Variants in BAHD1 observed in about 807,000 individuals in gnomAD.
The protein encoded by BAHD1 is bromo adjacent homology domain containing 1.
Under a neutral mutation model 63.1 loss-of-function variants are expected in BAHD1, and 20 were observed. The ratio of observed to expected loss-of-function variants is 0.32; its 90% CI spans 0.22 to 0.46. The LOEUF (loss-of-function observed/expected upper bound fraction) is 0.46, where lower values mean the gene tolerates loss of function less well. BAHD1 is among the 20% of genes least tolerant of loss of function. The probability of loss-of-function intolerance (pLI) is 1.00; values close to 1 mark genes in which losing one functional copy is unlikely to be tolerated. For synonymous variants in BAHD1, 408 were observed against 426.8 expected (o/e 0.96, Z 0.54); for missense variants, 939 against 1,071.8 (o/e 0.88, Z 1.73).
At position 40,458,282 on chromosome 15, in the gene BAHD1, C is replaced by T. The variant is rs560768375; in HGVS notation, c.-14-169C>T. On this transcript the variant is annotated intron_variant, in intron 1 of 6. Transcript: ENST00000416165. The surrounding 1 kb of genome is among the most constrained non-coding windows in gnomAD (Gnocchi z 4.7). ...CACAGCTGCTGGTAGCTTGATTCCA[C>T]TGCCCCTTCACACTCTGGAAAGGGA... Among the ~76,000 whole-genome samples the T allele has an allele frequency of 2.7e-4, 41 of 152,306 alleles. No individual in the cohort carries two copies. Among genetic ancestry groups the T allele is most frequent in the Middle Eastern group, 6.8e-3 (2 of 294 alleles).
chr15:40,458,425 C>G lies in BAHD1; in HGVS notation c.-14-26C>G. The G allele has an allele frequency of 7.8e-6, 12 of 1,529,528 alleles. No individual in the cohort carries two copies. The highest frequency in any genetic ancestry group is 1.1e-5 in the Non-Finnish European group (12 of 1,136,876). 94.7% of individuals were successfully genotyped at this position (1,529,528 alleles called of 1,614,324 possible). ...CAGGAGCAGGCCAGAGAGGGCTTCT[C>G]TCATTGCCCACCTTCTGTCCTGCAG... On this transcript the variant is annotated intron_variant, in intron 1 of 6. Coordinates refer to ENST00000416165, the MANE Select transcript of BAHD1 (RefSeq NM_014952.5). This position sits in a 1 kb window ranked among gnomAD's most constrained non-coding sequence, Gnocchi z 4.7.
rs1162827509 is a variant in BAHD1 at position 40,459,741 on chromosome 15, C to T, written c.1277C>T (p.Thr426Ile). Residue 426 changes from threonine (T) to isoleucine (I), a missense_variant, in exon 2 of 7, where the codon ACC (threonine) becomes ATC (isoleucine). Thr to Ile is a moderately conservative substitution (Grantham distance 89). Around this residue, in one of 5 missense-constraint regions of BAHD1, gnomAD observed 797 missense variants for 813.3 expected, o/e 0.98. Coordinates refer to ENST00000416165, the MANE Select transcript of BAHD1 (RefSeq NM_014952.5). ...LLAPSSVPSG[T>I]PFQHPPWGSS... Reference sequence around the variant, plus strand: ...GCTCCGAGCTCAGTGCCCTCAGGCACCCCTTTCCAGCACCCTCCCTGGGGC... The same window carrying T: ...GCTCCGAGCTCAGTGCCCTCAGGCATCCCTTTCCAGCACCCTCCCTGGGGC... 6.2e-7 allele frequency: 1 copy of T among 1,613,994 alleles called. No homozygotes were observed. The highest frequency in any genetic ancestry group is 1.7e-5 in the Admixed American group (1 of 60,020).
Position 40,466,159 on chromosome 15 carries a change from A to G in BAHD1, c.*29A>G, listed in dbSNP as rs769014844. ...CCTCATGCCCATGCTGGGGCTACCC[A>G]TGGGCAAGTGGGGCTCGGGGTAGGG... On this transcript the variant is annotated 3_prime_UTR_variant, in exon 7 of 7. Coordinates refer to ENST00000416165, the MANE Select transcript of BAHD1 (RefSeq NM_014952.5). 4.4e-6 allele frequency: 7 copies of G among 1,595,680 alleles called. No individual in the cohort carries two copies. Among genetic ancestry groups the G allele is most frequent in the Non-Finnish European group, 5.1e-6 (6 of 1,169,320 alleles).
chr15:40,459,088 C>T lies in BAHD1; in HGVS notation c.624C>T (p.Asn208=), dbSNP rs373944150. ...DPAPKRLASL[N]AAAFLKLSQE... is the part of the protein sequence containing the mutation. ...CTCCCAAGAGACTGGCTAGCCTGAA[C>T]GCAGCTGCTTTCCTAAAACTGAGCC... The change falls in exon 2 of 7, where the codon AAC becomes AAT. Residue 208 remains asparagine, a synonymous_variant. Coordinates refer to ENST00000416165, the MANE Select transcript of BAHD1 (RefSeq NM_014952.5). The T allele has an allele frequency of 1.0e-4, 164 of 1,612,742 alleles. No homozygotes were observed. Among genetic ancestry groups the T allele is most frequent in the Admixed American group, 6.7e-5 (4 of 59,942 alleles).
chr15:40,447,128 A>T (rs977045833), intron 1 of BAHD1, among the ~76,000 whole-genome samples: 1 of 152,156 alleles, frequency 6.6e-6, no homozygotes. Flanking sequence ...ATGCCAGGAG[A>T]TCCTAACAAG....
chr15:40,457,826 G>A (rs1223510689), intron 1 of BAHD1, among the ~76,000 whole-genome samples: 1 of 152,162 alleles, frequency 6.6e-6, no homozygotes, highest in Non-Finnish European at 1.5e-5. Flanking sequence ...TGGCTAACAC[G>A]GTGAAACCCC....
intron 1 of BAHD1, among the ~76,000 whole-genome samples, chr15:40,444,867 C>T (rs1893493041): frequency 6.6e-6 from 1 of 152,018 alleles, no homozygotes; most frequent in Non-Finnish European, 1.5e-5. Context: ...CCTTTTGTGC[C>T]CCAGTTTGAT....
At position 40,463,894 on chromosome 15, in the gene BAHD1, C is replaced by G; in HGVS notation, c.1849C>G (p.Gln617Glu). The G allele has an allele frequency of 6.2e-7, 1 of 1,614,240 alleles. No individual in the cohort carries two copies. Among genetic ancestry groups the G allele is most frequent in the Non-Finnish European group, 8.5e-7 (1 of 1,180,038 alleles). Residue 617 changes from glutamine (Q) to glutamate (E), a missense_variant, in exon 4 of 7, where the codon CAG (glutamine) becomes GAG (glutamate). By Grantham distance (29) the Gln-to-Glu change is conservative (BLOSUM62 2). Transcript: ENST00000416165. ...EPEPAIRKSYQAVERHGETIR... is the reference protein window; with the variant it reads ...EPEPAIRKSYEAVERHGETIR... The stretch of plus-strand genomic sequence containing the variant: ...GGAGCCAGCCATCCGAAAGAGCTAC[C>G]AGGCGGTAGAGCGGCATGGGGAGAC...
intron 1 of BAHD1, among the ~76,000 whole-genome samples, chr15:40,453,215 G>A (rs989256742): frequency 1.3e-5 from 2 of 152,182 alleles, no homozygotes; most frequent in Non-Finnish European, 2.9e-5. Context: ...TTGCTCAGGA[G>A]GGACAGAGCA....
intron 1 of BAHD1, among the ~76,000 whole-genome samples, chr15:40,452,187 T>C (rs763995724): frequency 5.3e-5 from 8 of 152,238 alleles, no homozygotes; most frequent in Non-Finnish European, 1.0e-4. Context: ...GTTTTTAGGC[T>C]CCCAGTCTGG....
chr15:40,437,939 CCTCT>C (rs1337659862), upstream of BAHD1, among the ~76,000 whole-genome samples: 2 of 152,190 alleles, frequency 1.3e-5, no homozygotes, highest in Non-Finnish European at 2.9e-5. Flanking sequence ...AGGGCATCTC[CCTCT>C]GAGGCAGTTA....
intron 1 of BAHD1, among the ~76,000 whole-genome samples, chr15:40,442,446 T>C (rs1364376223): frequency 6.6e-5 from 10 of 152,026 alleles, no homozygotes; most frequent in Non-Finnish European, 1.3e-4. Flanking sequence ...TGATGTGCCT[T>C]GGCTGGTGGC....
In BAHD1 at chr15:40,459,775, C is replaced by A. The variant is rs549165983; in HGVS notation, c.1311C>A (p.Arg437=). The change falls in exon 2 of 7, where the codon CGC becomes CGA. Residue 437 remains arginine (R), a synonymous_variant. Coordinates refer to ENST00000416165, the MANE Select transcript of BAHD1 (RefSeq NM_014952.5). ...PFQHPPWGSS[R]YCSSEDTGVN... is the part of the protein sequence containing the mutation. ...AGCACCCTCCCTGGGGCTCCTCTCGCTACTGCTCTAGCGAGGACACTGGAG... is the reference window on the plus strand; with the variant it reads ...AGCACCCTCCCTGGGGCTCCTCTCGATACTGCTCTAGCGAGGACACTGGAG... The A allele has an allele frequency of 1.3e-5, 21 of 1,613,948 alleles. No individual in the cohort carries two copies. The South Asian group carries it at 2.2e-4, about 17-fold the overall frequency.
At chr15:40,437,945 A>T (rs1444347241), upstream of BAHD1, among the ~76,000 whole-genome samples, 2 of 152,140 alleles carry the variant, frequency 1.3e-5, no homozygotes, top group African/African-American at 4.8e-5. Context: ...TCTCCCTCTG[A>T]GGCAGTTAAC....
At chr15:40,454,855 C>G (rs992151895) in intron 1 of BAHD1, among the ~76,000 whole-genome samples, 1 of 152,104 alleles carries the variant, frequency 6.6e-6, no homozygotes, top group African/African-American at 2.4e-5. Flanking sequence ...GAGAGGGGAA[C>G]CAAGCCTACC....
At position 40,458,523 on chromosome 15, in the gene BAHD1, G is replaced by A. The variant is rs535913780; in HGVS notation, c.59G>A (p.Arg20Gln). ...CTGAGTTCGGGCCTCACTGGCCGCCGAGAGCCCCTGCAGATGGAAGACAGC... is the reference window on the plus strand; with the variant it reads ...CTGAGTTCGGGCCTCACTGGCCGCCAAGAGCCCCTGCAGATGGAAGACAGC... The part of the protein sequence containing the change: ...PMLSSGLTGR[R>Q]EPLQMEDSNM... The change falls in exon 2 of 7, where the codon CGA becomes CAA. Residue 20 changes from arginine to glutamine, a missense_variant. Arg to Gln is a conservative substitution (Grantham distance 43). Transcript: ENST00000416165. The surrounding 1 kb of genome is among the most constrained non-coding windows in gnomAD (Gnocchi z 4.7). 15 of 1,612,712 alleles carry A rather than the reference G, an allele frequency of 9.3e-6. No individual in the cohort carries two copies. Among genetic ancestry groups the A allele is most frequent in the African/African-American group, 2.7e-5 (2 of 75,004 alleles).
Position 40,458,715 on chromosome 15 carries a change from G to A in BAHD1, c.251G>A (p.Arg84Gln), listed in dbSNP as rs368576045. The part of the protein sequence containing the change: ...LTRLENVAGP[R>Q]SADEADELPP... ...CGCCTGGAGAATGTGGCCGGTCCCC[G>A]GAGTGCAGATGAGGCTGATGAGCTA... The change falls in exon 2 of 7, where the codon CGG becomes CAG. Residue 84 changes from arginine (R) to glutamine (Q), a missense_variant. Physicochemically the swap from Arg to Gln is conservative, Grantham distance 43. Around this residue, in one of 5 missense-constraint regions of BAHD1, gnomAD observed 797 missense variants for 813.3 expected, o/e 0.98. Transcript: ENST00000416165. The surrounding 1 kb of genome is among the most constrained non-coding windows in gnomAD (Gnocchi z 4.7). 9.5e-5 allele frequency: 153 copies of A among 1,613,722 alleles called. No individual in the cohort carries two copies. The highest frequency in any genetic ancestry group is 4.1e-4 in the African/African-American group (31 of 75,046).
At chr15:40,450,015 T>C (rs539671575) in intron 1 of BAHD1, among the ~76,000 whole-genome samples, 1 of 152,242 alleles carries the variant, frequency 6.6e-6, no homozygotes, top group South Asian at 2.1e-4. Flanking sequence ...AAGTCTAGGA[T>C]AAAGATTTTA....
rs772292635 is a variant in BAHD1, at chr15:40,461,876, G to A, written c.1433-36G>A. ...AAGCAGATGGGTGATGGGGGTCACT[G>A]CTTGTCCTGTCCTGACCACTCTCTC... On this transcript the variant is annotated intron_variant, in intron 2 of 6. Coordinates refer to ENST00000416165, the MANE Select transcript of BAHD1 (RefSeq NM_014952.5). The A allele has an allele frequency of 7.1e-6, 11 of 1,542,602 alleles. 1 individual carries two copies. The Middle Eastern group carries it at 5.5e-4, about 78-fold the overall frequency.
Sources: allele counts gnomAD v4.1 joint callset (sites outside exome capture counted in the v4.1 genomes callset), GRCh38; gene constraint gnomAD v4.1.1; regional missense constraint gnomAD v4.1.1; non-coding constraint Gnocchi (gnomAD v3.1); transcripts MANE v1.5; gene names NCBI Gene and HGNC (gene_info 2026-07-23, HGNC 2026-07-21).